The following CATSPERD variants were observed in gnomAD, a reference collection of about 807,000 sequenced individuals.
CATSPERD encodes catsper channel auxiliary subunit delta.
Under a neutral mutation model 98.1 loss-of-function variants are expected in CATSPERD, and 86 were observed. The observed-to-expected ratio is 0.88, with a 90% confidence interval of 0.74 to 1.05. The LOEUF is 1.05. Among genes scored for constraint, CATSPERD ranks in the 50% least tolerant of loss-of-function variants. The pLI is 0.00. For missense variants in CATSPERD, 995 were observed against 1,005.7 expected (o/e 0.99, Z 0.14); for synonymous variants, 394 against 390.2 (o/e 1.01, Z -0.12).
chr19:5,753,088 G>A (rs2145790109), intron 12 of CATSPERD, among the ~76,000 whole-genome samples: 1 of 151,582 alleles, frequency 6.6e-6, no homozygotes, highest in Non-Finnish European at 1.5e-5. Flanking sequence ...GGTCCAGGTT[G>A]GTCTCAAACC....
chr19:5,742,125 T>C (rs2055986859), intron 7 of CATSPERD, among the ~76,000 whole-genome samples: 1 of 150,178 alleles, frequency 6.7e-6, no homozygotes, highest in Admixed American at 6.7e-5. Flanking sequence ...AGCGTTTGTG[T>C]GTGCGTGTGT....
At chr19:5,774,715 AAAATAAAT>A (rs200314328) in intron 20 of CATSPERD, among the ~76,000 whole-genome samples, 2 of 148,390 alleles carry the variant, frequency 1.3e-5, no homozygotes, top group Non-Finnish European at 3.0e-5. Context: ...ATAAAATTTA[AAAATAAAT>A]AAATAAAGAG....
At position 5,766,144 on chromosome 19, in the gene CATSPERD, C is replaced by T. The variant is rs372839203; in HGVS notation, c.1548C>T (p.Ile516=). The change falls in exon 17 of 22, where the codon ATC becomes ATT. Residue 516 remains isoleucine (I), a synonymous_variant. Transcript: ENST00000381624. ...TTGGCTGCGACCTGGATAAAAAGAT[C>T]GTCATCCAGAAGTAAGTATGTTGAG... is the stretch of plus-strand genomic sequence containing the variant. The part of the protein sequence containing the change: ...ISVGCDLDKK[I]VIQNKVSACS... The T allele has an allele frequency of 4.3e-6, 7 of 1,612,748 alleles. No individual in the cohort carries two copies. Among genetic ancestry groups the T allele is most frequent in the South Asian group, 2.2e-5 (2 of 90,936 alleles).
intron 7 of CATSPERD, among the ~76,000 whole-genome samples, chr19:5,743,192 A>G (rs1247348632): frequency 1.3e-5 from 2 of 152,058 alleles, no homozygotes; most frequent in Non-Finnish European, 1.5e-5. Context: ...AATCCCAGCT[A>G]CTCGGGAGGC....
chr19:5,766,256 G>C lies in CATSPERD; in HGVS notation c.1559+101G>C, dbSNP rs1052819846. The C allele has an allele frequency of 1.7e-4, 134 of 768,022 alleles. No individual in the cohort carries two copies. In the African/African-American group the frequency reaches 2.2e-3, roughly 12 times the overall value. 47.6% of individuals were successfully genotyped at this position (768,022 alleles called of 1,614,324 possible). A position where few individuals can be genotyped will look rare whatever the true frequency, so the allele number is the denominator to read the frequency against. On this transcript the variant is annotated intron_variant, in intron 17 of 21. Coordinates refer to ENST00000381624, the MANE Select transcript of CATSPERD (RefSeq NM_152784.4). Reference sequence around the variant, plus strand: ...ACTTCAGGTCAGGAGTTCAAGACCAGCCTGGCCAACATGGCGAAACCCCGT... The same window carrying C: ...ACTTCAGGTCAGGAGTTCAAGACCACCCTGGCCAACATGGCGAAACCCCGT...
At chr19:5,729,101 C>G in intron 3 of CATSPERD, among the ~76,000 whole-genome samples, 1 of 146,218 alleles carries the variant, frequency 6.8e-6, no homozygotes, top group South Asian at 2.2e-4. Flanking sequence ...CTCAGTAAAT[C>G]TTTTTTTTTT....
At chr19:5,720,958 T>C in intron 1 of CATSPERD, 150 bp downstream of exon 1, 1 of 599,356 alleles carries the variant, frequency 1.7e-6, no homozygotes, top group Admixed American at 3.2e-5. Flanking sequence ...CTCACCCTAC[T>C]CCACCCCATC....
chr19:5,746,569 C>T (rs987665379), intron 9 of CATSPERD, among the ~76,000 whole-genome samples: 2 of 152,036 alleles, frequency 1.3e-5, no homozygotes, highest in Non-Finnish European at 2.9e-5. Flanking sequence ...GCTGGGACTA[C>T]AGGCGCCCAG....
chr19:5,737,262 T>G lies in CATSPERD; in HGVS notation c.459+57T>G, dbSNP rs1599527209. Reference sequence around the variant, plus strand: ...TTTGCTCTCCTCTGAACACAAATAATCATGAGTAGACATAAAGGCTGGGCG... The same window carrying G: ...TTTGCTCTCCTCTGAACACAAATAAGCATGAGTAGACATAAAGGCTGGGCG... On this transcript the variant is annotated intron_variant, in intron 6 of 21. Transcript: ENST00000381624. The G allele has an allele frequency of 7.5e-6, 9 of 1,206,312 alleles. No homozygotes were observed. In the East Asian group the frequency reaches 2.2e-4, roughly 29 times the overall value. The allele number at this position is 1,206,312 out of a possible 1,614,324, so 74.7% of individuals were successfully genotyped here. A position where few individuals can be genotyped will look rare whatever the true frequency, so the allele number is the denominator to read the frequency against.
chr19:5,767,776 GTTTT>G (rs1383610659), intron 17 of CATSPERD, among the ~76,000 whole-genome samples: 871 of 58,002 alleles, frequency 0.015, 6 homozygotes, highest in African/African-American at 0.044. Context: ...TTTTTTATTT[GTTTT>G]ATTATTTTAT....
At chr19:5,756,716 G>A (rs369003125) in intron 13 of CATSPERD, among the ~76,000 whole-genome samples, 2 of 151,090 alleles carry the variant, frequency 1.3e-5, no homozygotes, top group East Asian at 3.9e-4. Context: ...AGGCCGAGGT[G>A]GGGGGATTGC....
intron 13 of CATSPERD, 152 bp downstream of exon 13, chr19:5,754,397 T>A: frequency 2.0e-6 from 1 of 495,084 alleles, no homozygotes; most frequent in East Asian, 3.4e-5. Context: ...CTGTGTCTTT[T>A]TTTTTTTTTT....
chr19:5,763,849 T>TTTTTTTTTTTTTTTTTTTTTTTTTG (rs2056489498), intron 16 of CATSPERD, among the ~76,000 whole-genome samples: 1 of 122,848 alleles, frequency 8.1e-6, no homozygotes, highest in Non-Finnish European at 1.7e-5. Context: ...TTGAACTCCT[T>TTTTTTTTTTTTTTTTTTTTTTTTTG]TTTTTTTTTT....
chr19:5,766,514 G>A (rs975939820), intron 17 of CATSPERD, among the ~76,000 whole-genome samples: 12 of 151,830 alleles, frequency 7.9e-5, no homozygotes, highest in Admixed American at 2.6e-4. Context: ...GAGAGGGGAG[G>A]AGAGTAGTTG....
rs556058752 is a variant in CATSPERD at position 5,750,998 on chromosome 19, G to A, written c.988-649G>A. Among the ~76,000 whole-genome samples, 10 of 150,742 alleles carry A rather than the reference G, an allele frequency of 6.6e-5. 1 individual carries two copies. The South Asian group carries it at 1.9e-3, about 29-fold the overall frequency. On this transcript the variant is annotated intron_variant, in intron 11 of 21. Coordinates refer to ENST00000381624, the MANE Select transcript of CATSPERD (RefSeq NM_152784.4). ...TGGGAGGCCGAGGCAGGTGGATCAC[G>A]AGGTCAGGAGTTCAAGACCAGCCTG...
intron 4 of CATSPERD, among the ~76,000 whole-genome samples, chr19:5,730,896 G>A (rs550844093): frequency 6.6e-6 from 1 of 152,224 alleles, no homozygotes; most frequent in African/African-American, 2.4e-5. Context: ...AGCTACTTGG[G>A]AGGCTGAGGC....
intron 18 of CATSPERD, among the ~76,000 whole-genome samples, chr19:5,769,186 G>A (rs1432313255): frequency 6.7e-6 from 1 of 150,224 alleles, no homozygotes; most frequent in Non-Finnish European, 1.5e-5. Context: ...GAGGAGGGAG[G>A]AGGCTGGGTG....
At chr19:5,720,999 CTTTTTTT>C (rs754682545) in intron 1 of CATSPERD, among the ~76,000 whole-genome samples, 191 bp downstream of exon 1, 1 of 138,760 alleles carries the variant, frequency 7.2e-6, no homozygotes, top group Non-Finnish European at 1.6e-5. Flanking sequence ...TCTCCTACCT[CTTTTTTT>C]TTTTTTTTTT....
chr19:5,754,394 T>A, intron 13 of CATSPERD, 149 bp downstream of exon 13: 6 of 102,834 alleles, frequency 5.8e-5, no homozygotes, highest in East Asian at 3.5e-4. Context: ...TCTCTGTGTC[T>A]TTTTTTTTTT....
Sources: gnomAD v4.1 joint callset for allele counts (sites outside exome capture counted in the v4.1 genomes callset) on GRCh38, gnomAD v4.1.1 for gene constraint, MANE v1.5 for transcripts, NCBI Gene and HGNC (gene_info 2026-07-23, HGNC 2026-07-21) for gene names.